Variants in ACER1 observed in about 807,000 individuals in gnomAD.
ACER1 encodes CTB-180A7.3.
ACER1 carries 28 observed loss-of-function variants against 24.9 expected under a neutral mutation model. The ratio of observed to expected loss-of-function variants is 1.13; its 90% CI spans 0.83 to 1.54. The LOEUF (loss-of-function observed/expected upper bound fraction) is 1.54. ACER1 is among the 40% of genes most tolerant of loss of function. The pLI is 0.00. For missense variants in ACER1, 352 were observed against 349.3 expected, an observed-to-expected ratio of 1.01 and a Z score of -0.06; for synonymous variants, 132 against 131.4, an observed-to-expected ratio of 1.00 and a Z score of -0.03.
At chr19:6,356,230 G>C in the ACER1 span, among the ~76,000 whole-genome samples, 1 of 149,430 alleles carries the variant, frequency 6.7e-6, no homozygotes, top group Non-Finnish European at 1.5e-5. Flanking sequence ...AATGGATTAA[G>C]GGCGGTGCAA....
At chr19:6,324,000 A>C (rs2091645953) in intron 1 of ACER1, among the ~76,000 whole-genome samples, 1 of 151,866 alleles carries the variant, frequency 6.6e-6, no homozygotes, top group African/African-American at 2.4e-5. Context: ...ACTGCAGACT[A>C]TCTCCCCTCC....
intron 1 of ACER1, among the ~76,000 whole-genome samples, chr19:6,320,815 C>T (rs912848882): frequency 2.6e-5 from 4 of 152,058 alleles, no homozygotes; most frequent in Non-Finnish European, 5.9e-5. Context: ...CATAATTGTA[C>T]CTACTTCATA....
rs1053948162 is a variant in ACER1, at chr19:6,312,385, C to G, written c.208G>C (p.Gly70Arg). Residue 70 changes from glycine to arginine, a missense_variant and splice_region_variant, in exon 2 of 6, where the codon GGC becomes CGC. By Grantham distance (125) the Gly-to-Arg change is moderately radical (BLOSUM62 -2). Transcript: ENST00000301452. ...YVVWVLFMII[G>R]LFSMYFHMTL... ...ACAGACCTGAACCACACCTCCCTAC[C>G]TATGATCATGAAGAGGACCCAGACA... is the stretch of plus-strand genomic sequence containing the variant. 4.3e-6 allele frequency: 7 copies of G among 1,614,032 alleles called. No homozygotes were observed. The highest frequency in any genetic ancestry group is 1.7e-5 in the Admixed American group (1 of 60,000).
chr19:6,317,394 G>A (rs1274341622), intron 1 of ACER1, among the ~76,000 whole-genome samples: 1 of 152,204 alleles, frequency 6.6e-6, no homozygotes, highest in East Asian at 1.9e-4. Flanking sequence ...TGGACTGCAA[G>A]CGCTTCTCTT....
the ACER1 span, among the ~76,000 whole-genome samples, chr19:6,355,851 G>A: frequency 6.7e-6 from 1 of 149,528 alleles, no homozygotes; most frequent in Admixed American, 6.6e-5. Context: ...GGAGGTGGGG[G>A]GGTCAGCCCC....
chr19:6,325,468 C>A (rs2091656563), intron 1 of ACER1, among the ~76,000 whole-genome samples: 1 of 152,126 alleles, frequency 6.6e-6, no homozygotes, highest in Non-Finnish European at 1.5e-5. Context: ...GGCTGACCAA[C>A]AAAGTGAAAC....
Position 6,312,298 on chromosome 19 carries a change from G to A in ACER1, c.209-8C>T, listed in dbSNP as rs182580063. Reference sequence around the variant, plus strand: ...AATACATGGAGAACAGGCCTGCAGCGGCAAGGGCAGGCGGTCAGTGGGGTC... The same window carrying A: ...AATACATGGAGAACAGGCCTGCAGCAGCAAGGGCAGGCGGTCAGTGGGGTC... On this transcript the variant is annotated splice_polypyrimidine_tract_variant and splice_region_variant and intron_variant, in intron 2 of 5. Coordinates refer to ENST00000301452, the MANE Select transcript of ACER1 (RefSeq NM_133492.3). 8.6e-5 allele frequency: 139 copies of A among 1,613,960 alleles called. No homozygotes were observed. In the African/African-American group the frequency reaches 1.3e-3, roughly 15 times the overall value.
upstream of ACER1, among the ~76,000 whole-genome samples, chr19:6,336,098 A>G (rs1346439869): frequency 6.6e-6 from 1 of 151,668 alleles, no homozygotes; most frequent in East Asian, 2.0e-4. Context: ...ACGGGGTTTC[A>G]CCATGTTGGC....
upstream of ACER1, among the ~76,000 whole-genome samples, chr19:6,337,081 C>T (rs1162186934): frequency 6.6e-6 from 1 of 151,068 alleles, no homozygotes; most frequent in Non-Finnish European, 1.5e-5. Context: ...GAGACTGAGG[C>T]AGGAGAATAG....
At chr19:6,353,204 C>T in the ACER1 span, among the ~76,000 whole-genome samples, 3 of 151,918 alleles carry the variant, frequency 2.0e-5, no homozygotes, top group Non-Finnish European at 4.4e-5. Context: ...TGGTGGCTTG[C>T]GCCTATAGTC....
chr19:6,354,832 C>G, the ACER1 span, among the ~76,000 whole-genome samples: 1 of 151,804 alleles, frequency 6.6e-6, no homozygotes, highest in Admixed American at 6.5e-5. Flanking sequence ...TCCCCACGGT[C>G]TCCCTCTCCC....
At chr19:6,313,878 T>A (rs756718632) in intron 1 of ACER1, among the ~76,000 whole-genome samples, 2 of 152,158 alleles carry the variant, frequency 1.3e-5, no homozygotes, top group Middle Eastern at 3.4e-3. Context: ...GGAGAAACCA[T>A]GTGTAGAGAC....
chr19:6,351,376 A>AAAT, the ACER1 span, among the ~76,000 whole-genome samples: 2 of 151,390 alleles, frequency 1.3e-5, no homozygotes, highest in Non-Finnish European at 2.9e-5. Flanking sequence ...CAAAAAATAA[A>AAAT]AATAATAATA....
At chr19:6,347,048 G>A in the ACER1 span, among the ~76,000 whole-genome samples, 1 of 142,404 alleles carries the variant, frequency 7.0e-6, no homozygotes, top group South Asian at 2.2e-4. Context: ...TATCGCTTGA[G>A]GTCAGGAGTT....
intron 1 of ACER1, among the ~76,000 whole-genome samples, chr19:6,316,968 C>CT (rs71174911): frequency 0.014 from 1,628 of 117,222 alleles, 79 homozygotes; most frequent in African/African-American, 0.043. Context: ...CCCTCCCCAT[C>CT]TTTTTTTTTT....
At chr19:6,320,975 A>G (rs551642721) in intron 1 of ACER1, among the ~76,000 whole-genome samples, 2 of 151,936 alleles carry the variant, frequency 1.3e-5, no homozygotes, top group African/African-American at 4.8e-5. Flanking sequence ...AGGATGTGCC[A>G]AGAGCTGTGG....
intron 3 of ACER1, among the ~76,000 whole-genome samples, chr19:6,310,300 G>A (rs1461305848): frequency 2.0e-5 from 3 of 149,652 alleles, no homozygotes; most frequent in African/African-American, 4.9e-5. Flanking sequence ...TGTTAGCCAG[G>A]ATGGTCTCAA....
chr19:6,311,942 A>C (rs550556726), intron 3 of ACER1, among the ~76,000 whole-genome samples: 2 of 152,256 alleles, frequency 1.3e-5, no homozygotes, highest in African/African-American at 4.8e-5. Context: ...GAGGGATTCC[A>C]AGAAACCAGG....
chr19:6,335,621 G>A (rs1190491884), upstream of ACER1, among the ~76,000 whole-genome samples: 1 of 151,978 alleles, frequency 6.6e-6, no homozygotes, highest in East Asian at 2.0e-4. Context: ...ACAAGGTCAG[G>A]AGATTGAGAC....
Sources: gnomAD v4.1 joint callset for allele counts (sites outside exome capture counted in the v4.1 genomes callset) on GRCh38, gnomAD v4.1.1 for gene constraint, MANE v1.5 for transcripts, NCBI Gene and HGNC (gene_info 2026-07-23, HGNC 2026-07-21) for gene names.